TMEFF2: variants seen among roughly 807,000 people sequenced by gnomAD.
TMEFF2 encodes tomoregulin-2.
Under a neutral mutation model 53.8 loss-of-function variants are expected in TMEFF2, and 28 were observed. The ratio of observed to expected loss-of-function variants is 0.52; its 90% confidence interval spans 0.39 to 0.71. The LOEUF (loss-of-function observed/expected upper bound fraction) is 0.71, where lower values mean the gene tolerates loss of function less well. Ranked by LOEUF, TMEFF2 falls within the 30% of genes least tolerant of loss-of-function variation. TMEFF2 has a pLI of 0.00. For synonymous variants in TMEFF2, 162 were observed against 166.3 expected, an observed-to-expected ratio of 0.97 and a Z score of 0.20; for missense variants, 353 against 455.2, an observed-to-expected ratio of 0.78 and a Z score of 2.04.
intron 5 of TMEFF2, among the ~76,000 whole-genome samples, chr2:192,002,012 G>GTATTTATT (rs149043659): frequency 3.3e-5 from 5 of 149,822 alleles, no homozygotes; most frequent in Admixed American, 3.3e-4. Context: ...TCCAATTGGT[G>GTATTTATT]TATTTATTTA....
intron 4 of TMEFF2, among the ~76,000 whole-genome samples, chr2:192,148,052 G>C (rs1325687103): frequency 6.6e-6 from 1 of 151,980 alleles, no homozygotes; most frequent in East Asian, 1.9e-4. Context: ...GTAATGAGTG[G>C]AAAGCTCAAT....
intron 4 of TMEFF2, chr2:192,178,143 CA>C (rs1691096036): frequency 6.6e-6 from 1 of 150,830 alleles, no homozygotes; most frequent in Non-Finnish European, 1.5e-5. Flanking sequence ...ACAATATTTG[CA>C]AAATTAGGTA....
At chr2:192,156,248 G>T (rs1043784513) in intron 4 of TMEFF2, among the ~76,000 whole-genome samples, 30 of 151,952 alleles carry the variant, frequency 2.0e-4, no homozygotes, top group Non-Finnish European at 8.8e-5. Flanking sequence ...TATCCATAAT[G>T]CTAACAACAG....
chr2:192,069,617 C>T (rs1210526777), intron 4 of TMEFF2, among the ~76,000 whole-genome samples: 1 of 151,596 alleles, frequency 6.6e-6, no homozygotes, highest in East Asian at 1.9e-4. Flanking sequence ...TGTCTGCTTA[C>T]GAAACCATTA....
intron 5 of TMEFF2, among the ~76,000 whole-genome samples, chr2:192,025,115 T>C (rs1225163939): frequency 6.6e-6 from 1 of 152,184 alleles, no homozygotes; most frequent in Non-Finnish European, 1.5e-5. Context: ...GCATGGTAGT[T>C]AGTGAGGAAT....
At position 192,066,799 on chromosome 2, in the gene TMEFF2, G is replaced by A. The variant is rs567130714; in HGVS notation, c.440-9024C>T. ...TATCATGCATAGCAAAATTCATTTA[G>A]AGCAGGTTACTATGCCAGACTTCAT... On this transcript the variant is annotated intron_variant, in intron 4 of 9. Transcript: ENST00000272771. Among the ~76,000 whole-genome samples the A allele has an allele frequency of 4.6e-5, 7 of 151,906 alleles. No individual in the cohort carries two copies. The South Asian group carries it at 1.5e-3, about 31-fold the overall frequency.
At chr2:192,021,430 G>T (rs1026658554) in intron 5 of TMEFF2, among the ~76,000 whole-genome samples, 13 of 152,078 alleles carry the variant, frequency 8.5e-5, no homozygotes, top group Admixed American at 3.9e-4. Context: ...AAGACAAAGG[G>T]TGAAACAGAC....
intron 4 of TMEFF2, among the ~76,000 whole-genome samples, chr2:192,126,683 T>C (rs1311271235): frequency 6.6e-6 from 1 of 152,208 alleles, no homozygotes; most frequent in African/African-American, 2.4e-5. Flanking sequence ...TTTGATGTTT[T>C]ACATTCATGA....
chr2:191,994,824 G>C (rs1686185155), intron 7 of TMEFF2, among the ~76,000 whole-genome samples: 1 of 151,962 alleles, frequency 6.6e-6, no homozygotes, highest in Admixed American at 6.6e-5. Flanking sequence ...TAAATGGCCT[G>C]GTTAGCTCAT....
chr2:191,975,726 G>T (rs1475273072), intron 7 of TMEFF2, among the ~76,000 whole-genome samples: 1 of 152,000 alleles, frequency 6.6e-6, no homozygotes, highest in Non-Finnish European at 1.5e-5. Flanking sequence ...TCCAATATAG[G>T]GATCTTCATC....
intron 4 of TMEFF2, among the ~76,000 whole-genome samples, chr2:192,094,912 G>A (rs1204383674): frequency 1.3e-5 from 2 of 152,156 alleles, no homozygotes; most frequent in African/African-American, 4.8e-5. Flanking sequence ...TTCACAATTT[G>A]TGTTGACATC....
At chr2:192,056,409 AGAG>A (rs946706954) in intron 5 of TMEFF2, among the ~76,000 whole-genome samples, 1 of 151,938 alleles carries the variant, frequency 6.6e-6, no homozygotes, top group Admixed American at 6.6e-5. Context: ...AAGAAGAGGA[AGAG>A]GAGGAGGGGA....
chr2:191,951,072 TATA>T lies in TMEFF2; in HGVS notation c.1029-668_1029-666del, dbSNP rs770856418. 5.3e-4 allele frequency among the ~76,000 whole-genome samples: 42 copies of T among 78,970 alleles called. 1 individual carries two copies. Among genetic ancestry groups the T allele is most frequent in the East Asian group, 2.9e-3 (13 of 4,530 alleles). 51.8% of individuals were successfully genotyped at this position (78,970 alleles called of 152,430 possible). A position where few individuals can be genotyped will look rare whatever the true frequency, so the allele number is the denominator to read the frequency against. On this transcript the variant is annotated intron_variant, in intron 9 of 9. Coordinates refer to ENST00000272771, the MANE Select transcript of TMEFF2 (RefSeq NM_016192.4). ...GTGGAAAGTTCATATAAAATTCTAT[TATA>T]ATAATCTGTGAAGTATCAGAATATA...
At chr2:191,979,622 C>A (rs919738486) in intron 7 of TMEFF2, among the ~76,000 whole-genome samples, 1 of 152,066 alleles carries the variant, frequency 6.6e-6, no homozygotes, top group South Asian at 2.1e-4. Context: ...AAATGCCATA[C>A]ATTTGCATAT....
chr2:192,137,300 C>A (rs893362231), intron 4 of TMEFF2, among the ~76,000 whole-genome samples: 1 of 152,086 alleles, frequency 6.6e-6, no homozygotes, highest in Non-Finnish European at 1.5e-5. Flanking sequence ...AGGTAAATGG[C>A]CTGCTGAAAG....
rs1054527878 is a variant in TMEFF2 at position 192,129,700 on chromosome 2, T to C, written c.439+49968A>G. Among the ~76,000 whole-genome samples, 3 of 152,306 alleles carry C rather than the reference T, an allele frequency of 2.0e-5. No homozygotes were observed. In the East Asian group the frequency reaches 5.8e-4, roughly 29 times the overall value. ...TCCCAGTTTGAGGATTTGGACTAAA[T>C]GTGTACATCTGTGGGAGCAAGGTCC... On this transcript the variant is annotated intron_variant, in intron 4 of 9. Transcript: ENST00000272771.
At chr2:192,083,069 A>G (rs1688590333) in intron 4 of TMEFF2, among the ~76,000 whole-genome samples, 1 of 151,498 alleles carries the variant, frequency 6.6e-6, no homozygotes, top group Admixed American at 6.6e-5. Flanking sequence ...ACATAATACT[A>G]TAATATTATG....
chr2:192,092,694 C>G (rs1688817760), intron 4 of TMEFF2, among the ~76,000 whole-genome samples: 1 of 151,778 alleles, frequency 6.6e-6, no homozygotes, highest in Non-Finnish European at 1.5e-5. Context: ...TGGTTGGGCT[C>G]AATGTAATTA....
At chr2:192,023,825 T>A (rs933727244) in intron 5 of TMEFF2, among the ~76,000 whole-genome samples, 5 of 152,166 alleles carry the variant, frequency 3.3e-5, no homozygotes, top group Admixed American at 1.3e-4. Context: ...CTATTATCCT[T>A]AGATCACCTG....
Sources: gnomAD v4.1 joint callset for allele counts (sites outside exome capture counted in the v4.1 genomes callset) on GRCh38, gnomAD v4.1.1 for gene constraint, MANE v1.5 for transcripts, NCBI Gene and HGNC (gene_info 2026-07-23, HGNC 2026-07-21) for gene names.